HDX: variants seen among roughly 807,000 people sequenced by gnomAD.
HDX encodes highly divergent homeobox.
In HDX, 19 loss-of-function variants were observed where a neutral mutation model predicts 45.2. That is an observed-to-expected ratio of 0.42 (90% CI 0.29 to 0.62). The LOEUF is 0.62. HDX is among the 20% of genes least tolerant of loss of function. The pLI, the probability that HDX is intolerant of heterozygous loss-of-function variation, is 0.20. For missense variants in HDX, 532 were observed against 493.9 expected (o/e 1.08, Z -0.73); for synonymous variants, 188 against 172.8 (o/e 1.09, Z -0.69).
chrX:84,448,657 C>G (rs753789526), intron 4 of HDX, among the ~76,000 whole-genome samples: 2 of 108,613 alleles, frequency 1.8e-5, no homozygotes, highest in South Asian at 8.2e-4. Flanking sequence ...TGCTCCCCTA[C>G]AAAAGGAAAT....
chrX:84,380,745 C>A (rs1049958616), intron 5 of HDX, among the ~76,000 whole-genome samples: 1 of 110,867 alleles, frequency 9.0e-6, no homozygotes, highest in African/African-American at 3.3e-5. Context: ...TAATAAAAGG[C>A]ATATATGACA....
At position 84,341,041 on chromosome X, in the gene HDX, TC is replaced by T. The variant is rs764457843; in HGVS notation, c.1660+3208del. On this transcript the variant is annotated intron_variant, in intron 7 of 10. Transcript: ENST00000373177. ...TTCAACTACTTATTTTCTAAAATTA[TC>T]TTTTAGGTGGAGAAGTGGGAGTTGG... is the stretch of plus-strand genomic sequence containing the variant. 7.2e-5 allele frequency among the ~76,000 whole-genome samples: 8 copies of T among 111,233 alleles called. No homozygotes were observed. In the East Asian group the frequency reaches 2.0e-3, roughly 28 times the overall value.
chrX:84,369,922 G>A (rs1011395249), intron 5 of HDX, among the ~76,000 whole-genome samples: 44 of 111,994 alleles, frequency 3.9e-4, no homozygotes, highest in Admixed American at 2.9e-3. Flanking sequence ...GTATCTTTGT[G>A]GTAGTTAATT....
intron 4 of HDX, among the ~76,000 whole-genome samples, chrX:84,460,322 A>T (rs2040212316): frequency 8.9e-6 from 1 of 112,148 alleles, no homozygotes; most frequent in Admixed American, 9.4e-5. Context: ...TCATAAGAAC[A>T]GATTAAAAAG....
chrX:84,325,867 G>A (rs1225333646), intron 10 of HDX, among the ~76,000 whole-genome samples: 1 of 110,696 alleles, frequency 9.0e-6, no homozygotes, highest in African/African-American at 3.3e-5. Flanking sequence ...CTCTAGTTAG[G>A]GTAGCCTAGT....
At chrX:84,396,821 T>C (rs1347013631) in intron 5 of HDX, among the ~76,000 whole-genome samples, 2 of 110,947 alleles carry the variant, frequency 1.8e-5, no homozygotes, top group Admixed American at 1.9e-4. Flanking sequence ...CCTAGACCCC[T>C]GGACTGCATA....
At chrX:84,425,023 G>C (rs2039353146) in intron 5 of HDX, among the ~76,000 whole-genome samples, 1 of 110,999 alleles carries the variant, frequency 9.0e-6, no homozygotes, top group Admixed American at 9.6e-5. Context: ...ATACAGTGAA[G>C]AGACCACTCA....
intron 5 of HDX, among the ~76,000 whole-genome samples, chrX:84,398,916 C>G (rs749053862): frequency 8.9e-6 from 1 of 111,894 alleles, no homozygotes; most frequent in African/African-American, 3.3e-5. Flanking sequence ...AAGGAACTCA[C>G]TCAAAACCAC....
intron 4 of HDX, among the ~76,000 whole-genome samples, chrX:84,461,049 C>G (rs1220936719): frequency 9.0e-6 from 1 of 111,172 alleles, no homozygotes. Context: ...AACTGATAGT[C>G]CAAGCTCATG....
intron 5 of HDX, among the ~76,000 whole-genome samples, chrX:84,402,051 G>C (rs763314216): frequency 2.0e-4 from 22 of 111,189 alleles, no homozygotes; most frequent in Non-Finnish European, 3.4e-4. Context: ...CGGAGGGTGA[G>C]GGTTGAGGAG....
chrX:84,467,320 T>C (rs2040370252), intron 4 of HDX, among the ~76,000 whole-genome samples: 1 of 110,970 alleles, frequency 9.0e-6, no homozygotes, highest in Admixed American at 9.6e-5. Context: ...TCTTAAGTAT[T>C]GTGGTTGAAA....
At chrX:84,387,973 A>T (rs892458554) in intron 5 of HDX, among the ~76,000 whole-genome samples, 2 of 112,075 alleles carry the variant, frequency 1.8e-5, no homozygotes, top group Non-Finnish European at 3.8e-5. Flanking sequence ...TAACTTAACA[A>T]CCTCTAATAA....
chrX:84,469,618 C>A (rs1260919593), intron 3 of HDX, 43 bp from the exon 4 acceptor site: 4 of 1,084,873 alleles, frequency 3.7e-6, no homozygotes, highest in Non-Finnish European at 4.9e-6. Context: ...AAATTAAAAA[C>A]AAACGAAGAA....
intron 1 of HDX, 37 bp from the exon 2 acceptor site, chrX:84,488,169 C>G (rs2040830956): frequency 9.0e-6 from 1 of 111,409 alleles, no homozygotes. Flanking sequence ...AGTGGGCTTA[C>G]TTCATGTTGG....
At chrX:84,465,888 G>C (rs749906123) in intron 4 of HDX, among the ~76,000 whole-genome samples, 2 of 111,775 alleles carry the variant, frequency 1.8e-5, no homozygotes, top group African/African-American at 6.5e-5. Context: ...TGGTGATAGA[G>C]CTTCAGCAAC....
Position 84,402,576 on chromosome X carries a change from A to G in HDX, c.1305+37956T>C, listed in dbSNP as rs2038730800. Among the ~76,000 whole-genome samples, 3 of 111,475 alleles carry G rather than the reference A, an allele frequency of 2.7e-5. No homozygotes were observed. In the Admixed American group the frequency reaches 2.9e-4, roughly 11 times the overall value. ...CCACTATTTGCTTGCCCATTTGCCTATTGAAAGACATCGTGGTTGTTTCCA... is the reference window on the plus strand; with the variant it reads ...CCACTATTTGCTTGCCCATTTGCCTGTTGAAAGACATCGTGGTTGTTTCCA... On this transcript the variant is annotated intron_variant, in intron 5 of 10. Transcript: ENST00000373177.
chrX:84,437,561 G>C (rs1198355655), intron 5 of HDX, among the ~76,000 whole-genome samples: 2 of 111,011 alleles, frequency 1.8e-5, no homozygotes, highest in African/African-American at 6.5e-5. Flanking sequence ...TCATCTGCTT[G>C]ATTTACCTAG....
At position 84,341,633 on chromosome X, in the gene HDX, C is replaced by T. The variant is rs775919557; in HGVS notation, c.1660+2617G>A. Among the ~76,000 whole-genome samples the T allele has an allele frequency of 2.6e-3, 290 of 110,237 alleles. 2 individuals are homozygous for T. The highest frequency in any genetic ancestry group is 9.2e-3 in the African/African-American group (280 of 30,422). Reference sequence around the variant, plus strand: ...AAAACACCAAATTCAATGGCTTTCTCATCCCTTTTTCTACTTAACTTCTAT... The same window carrying T: ...AAAACACCAAATTCAATGGCTTTCTTATCCCTTTTTCTACTTAACTTCTAT... On this transcript the variant is annotated intron_variant, in intron 7 of 10. Transcript: ENST00000373177.
chrX:84,472,720 T>C (rs959949827), intron 3 of HDX, among the ~76,000 whole-genome samples: 2 of 111,178 alleles, frequency 1.8e-5, no homozygotes, highest in Non-Finnish European at 3.8e-5. Flanking sequence ...ATTTCCATAG[T>C]GAAAACCCTG....
Sources: gnomAD v4.1 joint callset for allele counts (sites outside exome capture counted in the v4.1 genomes callset) on GRCh38, gnomAD v4.1.1 for gene constraint, MANE v1.5 for transcripts, NCBI Gene and HGNC (gene_info 2026-07-23, HGNC 2026-07-21) for gene names.